The following SLC20A2 variants were observed in gnomAD, a reference collection of about 807,000 sequenced individuals.
SLC20A2 encodes sodium-dependent phosphate transporter 2.
In SLC20A2, 30 loss-of-function variants were observed where a neutral mutation model predicts 61.0. The ratio of observed to expected loss-of-function variants is 0.49; its 90% confidence interval spans 0.37 to 0.67. The LOEUF (loss-of-function observed/expected upper bound fraction) is 0.67. SLC20A2 is among the 30% of genes least tolerant of loss of function. The pLI is 0.00. For missense variants in SLC20A2, 626 were observed against 866.4 expected, an observed-to-expected ratio of 0.72 and a Z score of 3.48; for synonymous variants, 351 against 353.3, an observed-to-expected ratio of 0.99 and a Z score of 0.07.
At chr8:42,468,401 G>A (rs1471846088) in intron 2 of SLC20A2, among the ~76,000 whole-genome samples, 3 of 152,154 alleles carry the variant, frequency 2.0e-5, no homozygotes, top group Non-Finnish European at 4.4e-5. Flanking sequence ...GAAGAAGGAG[G>A]AGAGAGGATA....
At chr8:42,446,881 A>G (rs1805255916) in intron 5 of SLC20A2, among the ~76,000 whole-genome samples, 1 of 152,250 alleles carries the variant, frequency 6.6e-6, no homozygotes, top group Middle Eastern at 3.4e-3. Flanking sequence ...ATAAAAAAGA[A>G]AAAGAAATAA....
intron 1 of SLC20A2, among the ~76,000 whole-genome samples, chr8:42,533,654 CTTTTTTTTT>C (rs1162369065): frequency 1.8e-5 from 1 of 55,310 alleles, no homozygotes; most frequent in African/African-American, 8.1e-5. Flanking sequence ...ATCAACTGTT[CTTTTTTTTT>C]TTTTTTTTTT....
chr8:42,418,183 G>A (rs1296868064), intron 10 of SLC20A2, among the ~76,000 whole-genome samples: 1 of 152,166 alleles, frequency 6.6e-6, no homozygotes, highest in Non-Finnish European at 1.5e-5. Flanking sequence ...TTATATAGTT[G>A]TTTTGAGACA....
intron 1 of SLC20A2, among the ~76,000 whole-genome samples, chr8:42,487,524 G>T (rs1238811828): frequency 1.3e-5 from 2 of 152,090 alleles, no homozygotes; most frequent in Non-Finnish European, 2.9e-5. Context: ...CCCCTTCTCT[G>T]TCGGTTCTCC....
chr8:42,465,674 A>G (rs1807100387), intron 3 of SLC20A2, 103 bp downstream of exon 3: 2 of 1,173,616 alleles, frequency 1.7e-6, no homozygotes, highest in Admixed American at 5.0e-5. Context: ...CTGGCAACAG[A>G]GTGACACTCC....
At chr8:42,450,960 T>C (rs1805591010) in intron 5 of SLC20A2, among the ~76,000 whole-genome samples, 1 of 152,184 alleles carries the variant, frequency 6.6e-6, no homozygotes, top group African/African-American at 2.4e-5. Context: ...AATCCAAGAC[T>C]AGGAATCACT....
In SLC20A2 at chr8:42,437,114, C is replaced by T. The variant is rs764781730; in HGVS notation, c.1398G>A (p.Pro466=). 10 of 1,613,974 alleles carry T rather than the reference C, an allele frequency of 6.2e-6. No homozygotes were observed. In the East Asian group the frequency reaches 6.7e-5, roughly 11 times the overall value. The change falls in exon 8 of 11, where the codon CCG becomes CCA. Residue 466 remains proline, a synonymous_variant. Transcript: ENST00000520262. This position sits in a 1 kb window ranked among gnomAD's most constrained non-coding sequence, Gnocchi z 6.4. ...LASELADPDQ[P]REDPAEEEKE... is the part of the protein sequence containing the mutation. ...TCTCCTCCTCTGCAGGGTCCTCTCG[C>T]GGCTGGTCAGGGTCGGCCAGCTCCG...
intron 2 of SLC20A2, chr8:42,471,165 C>T (rs1472499540): frequency 2.2e-6 from 1 of 456,166 alleles, no homozygotes; most frequent in Non-Finnish European, 4.4e-6. Flanking sequence ...CCAAATTACC[C>T]GTATACATCA....
intron 1 of SLC20A2, among the ~76,000 whole-genome samples, chr8:42,532,917 G>C (rs182440519): frequency 6.6e-6 from 1 of 152,236 alleles, no homozygotes; most frequent in Admixed American, 6.5e-5. Flanking sequence ...GTCCACAGAG[G>C]ACGGAAAGAC....
chr8:42,463,164 T>C (rs1485382228), intron 3 of SLC20A2, 74 bp from the exon 4 acceptor site: 14 of 845,422 alleles, frequency 1.7e-5, no homozygotes, highest in East Asian at 2.6e-5. Flanking sequence ...TAGAACACAA[T>C]GATAAACAAA....
At chr8:42,530,809 G>A (rs573077206) in intron 1 of SLC20A2, among the ~76,000 whole-genome samples, 7 of 152,204 alleles carry the variant, frequency 4.6e-5, no homozygotes, top group African/African-American at 1.7e-4. Flanking sequence ...TCCACCTCCC[G>A]GGTTCAAGGG....
At chr8:42,443,266 TATA>T (rs374833712) in intron 6 of SLC20A2, among the ~76,000 whole-genome samples, 23,791 of 92,886 alleles carry the variant, frequency 0.26, 4,939 homozygotes, top group Non-Finnish European at 0.3. Flanking sequence ...TATTATAGGA[TATA>T]TATATATATA....
intron 1 of SLC20A2, among the ~76,000 whole-genome samples, chr8:42,473,559 CT>C (rs1462662497): frequency 6.6e-6 from 1 of 152,170 alleles, no homozygotes; most frequent in Non-Finnish European, 1.5e-5. Flanking sequence ...TAAGAGAGGA[CT>C]TCCCTGACCC....
At chr8:42,451,606 GGAA>G (rs1805661185) in intron 5 of SLC20A2, among the ~76,000 whole-genome samples, 1 of 137,176 alleles carries the variant, frequency 7.3e-6, no homozygotes, top group African/African-American at 2.8e-5. Flanking sequence ...AGGAGGAGGA[GGAA>G]GAGATGAAGA....
rs569585756 is a variant in SLC20A2 at position 42,445,210 on chromosome 8, C to G, written c.614-448G>C. Among the ~76,000 whole-genome samples the G allele has an allele frequency of 1.3e-3, 193 of 151,844 alleles. 1 individual carries two copies. The Middle Eastern group carries it at 0.02, about 16-fold the overall frequency. The stretch of plus-strand genomic sequence containing the variant: ...GGGAGGCTGAGGCGGGAGATTCGTT[C>G]GAACCTGGGAGGGGGATGTTGCAGT... On this transcript the variant is annotated intron_variant, in intron 5 of 10. Transcript: ENST00000520262.
At chr8:42,526,007 A>G (rs535389413) in intron 1 of SLC20A2, among the ~76,000 whole-genome samples, 29 of 152,352 alleles carry the variant, frequency 1.9e-4, no homozygotes, top group African/African-American at 6.5e-4. Context: ...AATCATCTAC[A>G]TAGATATTCT....
chr8:42,429,202 T>C (rs1450921074), intron 9 of SLC20A2, among the ~76,000 whole-genome samples: 2 of 151,912 alleles, frequency 1.3e-5, no homozygotes, highest in Admixed American at 6.6e-5. Flanking sequence ...TACAAAAGAG[T>C]GTATTTTTCT....
At chr8:42,463,326 A>G (rs1443093312) in intron 3 of SLC20A2, 3 of 334,882 alleles carry the variant, frequency 9.0e-6, no homozygotes, top group East Asian at 5.2e-5. Context: ...CACACTGCCA[A>G]TGCAGGGTCA....
intron 8 of SLC20A2, among the ~76,000 whole-genome samples, chr8:42,433,963 C>A (rs1294552512): frequency 6.6e-6 from 1 of 152,160 alleles, no homozygotes; most frequent in Non-Finnish European, 1.5e-5. Flanking sequence ...CCATTTTACA[C>A]CCCCACTAAT....
Sources: allele counts gnomAD v4.1 joint callset (sites outside exome capture counted in the v4.1 genomes callset), GRCh38; gene constraint gnomAD v4.1.1; non-coding constraint Gnocchi (gnomAD v3.1); transcripts MANE v1.5; gene names NCBI Gene and HGNC (gene_info 2026-07-23, HGNC 2026-07-21).